Variants in MIGA1 observed in about 807,000 individuals in gnomAD.
MIGA1 encodes family with sequence similarity 73, member A.
In MIGA1, 58 loss-of-function variants were observed where a neutral mutation model predicts 82.0. The ratio of observed to expected loss-of-function variants is 0.71; its 90% CI spans 0.57 to 0.88. MIGA1 has a LOEUF of 0.88. MIGA1 is among the 40% of genes least tolerant of loss of function. The pLI, the probability that MIGA1 is intolerant of heterozygous loss-of-function variation, is 0.00. For missense variants in MIGA1, 751 were observed against 749.1 expected, an observed-to-expected ratio of 1.00 and a Z score of -0.03; for synonymous variants, 249 against 253.6, an observed-to-expected ratio of 0.98 and a Z score of 0.17.
chr1:77,856,346 G>A (rs1157492677), intron 8 of MIGA1, among the ~76,000 whole-genome samples: 2 of 152,150 alleles, frequency 1.3e-5, no homozygotes, highest in Non-Finnish European at 2.9e-5. Flanking sequence ...ATATCGGTCT[G>A]TAGTTTTGTT....
At chr1:77,806,518 G>A (rs1413253285) in intron 4 of MIGA1, among the ~76,000 whole-genome samples, 1 of 152,196 alleles carries the variant, frequency 6.6e-6, no homozygotes, top group Non-Finnish European at 1.5e-5. Flanking sequence ...AGAGGTGATT[G>A]AAATGATTTG....
chr1:77,830,980 G>A (rs1412831716), intron 7 of MIGA1, among the ~76,000 whole-genome samples: 2 of 152,226 alleles, frequency 1.3e-5, no homozygotes, highest in East Asian at 3.9e-4. Flanking sequence ...CAGTTAAAAA[G>A]CAATATAAGT....
Position 77,791,256 on chromosome 1 carries a change from A to C in MIGA1, c.195+7905A>C, listed in dbSNP as rs563938480. On this transcript the variant is annotated intron_variant, in intron 2 of 15. Transcript: ENST00000370791. ...GACCCTGTCTCTTAAAAAAAAAAAA[A>C]AAAAAAAAACAAAAAACTGCTATAT... 8.6e-3 allele frequency among the ~76,000 whole-genome samples: 1,284 copies of C among 149,192 alleles called. 16 individuals are homozygous for C. Among genetic ancestry groups the C allele is most frequent in the Admixed American group, 0.012 (187 of 14,972 alleles).
intron 2 of MIGA1, among the ~76,000 whole-genome samples, chr1:77,794,796 G>A (rs946317319): frequency 2.0e-5 from 3 of 152,024 alleles, no homozygotes; most frequent in Admixed American, 2.0e-4. Flanking sequence ...GCGAGACCCT[G>A]TCTTTTGAAA....
chr1:77,861,575 C>G, intron 12 of MIGA1: 1 of 395,460 alleles, frequency 2.5e-6, no homozygotes, highest in Non-Finnish European at 4.6e-6. Flanking sequence ...TTCCCTTGTT[C>G]CCTCTCTTCC....
chr1:77,842,333 A>T (rs1267455319), intron 7 of MIGA1, among the ~76,000 whole-genome samples: 2 of 152,222 alleles, frequency 1.3e-5, no homozygotes, highest in South Asian at 2.1e-4. Context: ...AATGACAAGT[A>T]TTGCTAACAG....
rs1253046751 is a variant in MIGA1, at chr1:77,848,514, AAAG to A, written c.996+5110_996+5112del. Reference sequence around the variant, plus strand: ...AGGAAAGCAGCCCAAGTTCTAGGGCAAAGAATAAATTTCTTGACCAAGAAAGAT... The same window carrying A: ...AGGAAAGCAGCCCAAGTTCTAGGGCAAATAAATTTCTTGACCAAGAAAGAT... On this transcript the variant is annotated intron_variant, in intron 8 of 15. Transcript: ENST00000370791. 94 of 1,213,516 alleles carry A rather than the reference AAAG, an allele frequency of 7.7e-5. 1 individual carries two copies. In the African/African-American group the frequency reaches 1.3e-3, roughly 17 times the overall value. The allele number at this position is 1,213,516 out of a possible 1,614,324, so 75.2% of individuals were successfully genotyped here.
intron 7 of MIGA1, among the ~76,000 whole-genome samples, chr1:77,829,529 C>T (rs953124283): frequency 2.6e-5 from 4 of 152,104 alleles, no homozygotes; most frequent in South Asian, 2.1e-4. Flanking sequence ...AGTGCCGCGG[C>T]GCGATCTCAG....
At chr1:77,785,330 G>T (rs1350579280) in intron 2 of MIGA1, among the ~76,000 whole-genome samples, 1 of 152,046 alleles carries the variant, frequency 6.6e-6, no homozygotes, top group African/African-American at 2.4e-5. Flanking sequence ...TTGAAATCCA[G>T]CAGGGCAGTC....
chr1:77,809,023 A>G (rs1205690218), intron 5 of MIGA1, among the ~76,000 whole-genome samples: 1 of 152,106 alleles, frequency 6.6e-6, no homozygotes, highest in African/African-American at 2.4e-5. Flanking sequence ...AGGCAGGAGG[A>G]TCACTTGAAC....
intron 8 of MIGA1, among the ~76,000 whole-genome samples, chr1:77,846,763 T>C (rs1684858902): frequency 1.3e-5 from 2 of 152,036 alleles, no homozygotes; most frequent in East Asian, 2.0e-4. Flanking sequence ...CTGGCTAACA[T>C]GGTGAAACCC....
chr1:77,830,456 T>A (rs1169773669), intron 7 of MIGA1, among the ~76,000 whole-genome samples: 1 of 152,218 alleles, frequency 6.6e-6, no homozygotes, highest in Non-Finnish European at 1.5e-5. Flanking sequence ...TCTTATTAGT[T>A]GTAATACCAG....
chr1:77,847,632 G>A, intron 8 of MIGA1: 1 of 1,554,580 alleles, frequency 6.4e-7, no homozygotes, highest in Non-Finnish European at 8.8e-7. Context: ...GAGGGCTGCT[G>A]CGCTGGAAGC....
At chr1:77,832,168 A>G (rs1235452952) in intron 7 of MIGA1, among the ~76,000 whole-genome samples, 1 of 152,226 alleles carries the variant, frequency 6.6e-6, no homozygotes, top group Non-Finnish European at 1.5e-5. Context: ...GATGTGTAGG[A>G]ACAGATTTAG....
intron 2 of MIGA1, among the ~76,000 whole-genome samples, chr1:77,784,332 C>T (rs1410872045): frequency 6.6e-6 from 1 of 152,026 alleles, no homozygotes; most frequent in Non-Finnish European, 1.5e-5. Flanking sequence ...TCAAGCAATC[C>T]TCCCACTTCA....
chr1:77,796,457 T>C (rs1402880222), intron 2 of MIGA1, among the ~76,000 whole-genome samples: 1 of 151,164 alleles, frequency 6.6e-6, no homozygotes, highest in South Asian at 2.1e-4. Flanking sequence ...GAGTCTCACT[T>C]TGTCACACAG....
intron 5 of MIGA1, among the ~76,000 whole-genome samples, chr1:77,813,411 A>G (rs1683434458): frequency 6.6e-6 from 1 of 152,234 alleles, no homozygotes; most frequent in Non-Finnish European, 1.5e-5. Context: ...TTGTGTGGCT[A>G]TAAAAAATAG....
chr1:77,826,133 C>T (rs1193799069), intron 7 of MIGA1, among the ~76,000 whole-genome samples: 1 of 152,160 alleles, frequency 6.6e-6, no homozygotes, highest in African/African-American at 2.4e-5. Flanking sequence ...GAGGATGTCA[C>T]ATGTTCATAA....
intron 8 of MIGA1, among the ~76,000 whole-genome samples, chr1:77,856,661 G>A (rs1007341944): frequency 1.5e-4 from 23 of 152,162 alleles, no homozygotes; most frequent in East Asian, 7.7e-4. Flanking sequence ...GTTTATGTGC[G>A]TAAAGGTGTT....
Sources: allele counts gnomAD v4.1 joint callset (sites outside exome capture counted in the v4.1 genomes callset), GRCh38; gene constraint gnomAD v4.1.1; transcripts MANE v1.5; gene names NCBI Gene and HGNC (gene_info 2026-07-23, HGNC 2026-07-21).